Variants in FAF1 observed in about 807,000 individuals in gnomAD.
FAF1 encodes FAS-associated factor 1.
In FAF1, 25 loss-of-function variants were observed where a neutral mutation model predicts 92.5. That is an observed-to-expected ratio of 0.27 (90% confidence interval 0.20 to 0.38). The LOEUF (loss-of-function observed/expected upper bound fraction) is 0.38, where lower values mean the gene tolerates loss of function less well. Ranked by LOEUF, FAF1 falls within the 10% of genes least tolerant of loss-of-function variation. The probability of loss-of-function intolerance (pLI) is 1.00; values close to 1 mark genes in which losing one functional copy is unlikely to be tolerated. For missense variants in FAF1, 636 were observed against 793.3 expected, an observed-to-expected ratio of 0.80 and a Z score of 2.38; for synonymous variants, 234 against 273.2, an observed-to-expected ratio of 0.86 and a Z score of 1.42.
chr1:50,925,110 T>C (rs536617080), intron 1 of FAF1, among the ~76,000 whole-genome samples: 5 of 152,248 alleles, frequency 3.3e-5, no homozygotes, highest in African/African-American at 1.2e-4. Flanking sequence ...GAATACACAT[T>C]GGGAAAACAA....
At chr1:50,799,384 A>C (rs1661887979) in intron 3 of FAF1, among the ~76,000 whole-genome samples, 1 of 152,022 alleles carries the variant, frequency 6.6e-6, no homozygotes, top group Non-Finnish European at 1.5e-5. Flanking sequence ...TTAAGCATTC[A>C]AAAAAAAGTT....
intron 6 of FAF1, among the ~76,000 whole-genome samples, chr1:50,718,211 AGTAGAGACAGAGTTT>A (rs1658269195): frequency 6.6e-6 from 1 of 152,024 alleles, no homozygotes; most frequent in African/African-American, 2.4e-5. Context: ...TTGTATTTTT[AGTAGAGACAGAGTTT>A]CACCATGTTG....
chr1:50,519,166 C>T (rs926455695), intron 15 of FAF1, among the ~76,000 whole-genome samples: 21 of 151,962 alleles, frequency 1.4e-4, no homozygotes, highest in Non-Finnish European at 2.5e-4. Context: ...CCTGTCTCTA[C>T]TAAAAATACA....
chr1:50,602,211 C>T (rs1187367552), intron 8 of FAF1, among the ~76,000 whole-genome samples: 1 of 152,164 alleles, frequency 6.6e-6, no homozygotes, highest in Non-Finnish European at 1.5e-5. Context: ...ATACAATTCT[C>T]TTGTGTTTTA....
intron 8 of FAF1, among the ~76,000 whole-genome samples, chr1:50,654,029 C>G (rs1654995284): frequency 6.6e-6 from 1 of 152,106 alleles, no homozygotes; most frequent in African/African-American, 2.4e-5. Flanking sequence ...ATTTCATAAT[C>G]CACAAAGCAT....
Position 50,900,596 on chromosome 1 carries a change from A to G in FAF1, c.46-42599T>C, listed in dbSNP as rs369171368. On this transcript the variant is annotated intron_variant, in intron 1 of 18. Transcript: ENST00000396153. Reference sequence around the variant, plus strand: ...GAGCAAGTTACTTCACCTCTCTATTATCTACAGAGAAAAATAATAACTTCC... The same window carrying G: ...GAGCAAGTTACTTCACCTCTCTATTGTCTACAGAGAAAAATAATAACTTCC... 1.1e-4 allele frequency among the ~76,000 whole-genome samples: 17 copies of G among 152,274 alleles called. No homozygotes were observed. The South Asian group carries it at 2.9e-3, about 26-fold the overall frequency.
intron 2 of FAF1, among the ~76,000 whole-genome samples, chr1:50,838,618 T>A (rs1287766708): frequency 6.7e-6 from 1 of 150,160 alleles, no homozygotes; most frequent in African/African-American, 2.4e-5. Context: ...CACATTATTC[T>A]GCAATTTCTA....
intron 2 of FAF1, among the ~76,000 whole-genome samples, chr1:50,820,344 G>T (rs1459112939): frequency 6.6e-6 from 1 of 152,100 alleles, no homozygotes; most frequent in East Asian, 1.9e-4. Flanking sequence ...GCTTAATGGG[G>T]TATAACTGAC....
At chr1:50,446,992 T>TTCTTTTTTTTTTTTTTTTTTTG (rs1318855123) in intron 18 of FAF1, among the ~76,000 whole-genome samples, 1 of 151,688 alleles carries the variant, frequency 6.6e-6, no homozygotes, top group African/African-American at 2.4e-5. Flanking sequence ...ATAATTTTCA[T>TTCTTTTTTTTTTTTTTTTTTTG]AGTAACTCCC....
At chr1:50,708,521 CAA>C (rs34228195) in intron 6 of FAF1, among the ~76,000 whole-genome samples, 4 of 133,582 alleles carry the variant, frequency 3.0e-5, no homozygotes, top group Admixed American at 7.5e-5. Context: ...ATTAGACAGT[CAA>C]AAAAAAAAAA....
chr1:50,662,409 T>G (rs771732871), intron 7 of FAF1, among the ~76,000 whole-genome samples: 10 of 152,192 alleles, frequency 6.6e-5, no homozygotes, highest in Non-Finnish European at 1.3e-4. Flanking sequence ...ATAAAGAAAT[T>G]TGACAATTGC....
At chr1:50,739,764 A>G (rs541953925) in intron 5 of FAF1, among the ~76,000 whole-genome samples, 9 of 152,242 alleles carry the variant, frequency 5.9e-5, no homozygotes, top group Middle Eastern at 3.4e-3. Flanking sequence ...TGTTACCTAT[A>G]TATCTTTTAC....
chr1:50,928,251 G>C (rs1645021252), intron 1 of FAF1, among the ~76,000 whole-genome samples: 1 of 152,068 alleles, frequency 6.6e-6, no homozygotes, highest in Non-Finnish European at 1.5e-5. Flanking sequence ...TTCAAAAGTG[G>C]CCTCAAAATG....
At chr1:50,774,010 C>G (rs1016076842) in intron 4 of FAF1, among the ~76,000 whole-genome samples, 47 of 152,154 alleles carry the variant, frequency 3.1e-4, no homozygotes, top group Admixed American at 2.6e-4. Context: ...CATAAATAAA[C>G]TATGCACATT....
intron 2 of FAF1, among the ~76,000 whole-genome samples, chr1:50,813,350 G>C (rs1643934956): frequency 6.6e-6 from 1 of 152,092 alleles, no homozygotes; most frequent in Admixed American, 6.6e-5. Context: ...TTCACTGAGA[G>C]GAAAACCATT....
intron 15 of FAF1, among the ~76,000 whole-genome samples, chr1:50,512,729 G>A (rs1445476925): frequency 6.6e-6 from 1 of 152,068 alleles, no homozygotes. Context: ...CTCTTTTTTG[G>A]TTCCATATGA....
chr1:50,566,568 G>A (rs1191109201), intron 13 of FAF1, among the ~76,000 whole-genome samples: 2 of 151,960 alleles, frequency 1.3e-5, no homozygotes, highest in African/African-American at 2.4e-5. Flanking sequence ...TCCCTATTGA[G>A]AATATGGATG....
intron 2 of FAF1, among the ~76,000 whole-genome samples, chr1:50,842,070 A>G (rs1434991625): frequency 6.6e-6 from 1 of 152,066 alleles, no homozygotes; most frequent in African/African-American, 2.4e-5. Context: ...TGGAATTCTG[A>G]ACTTTATTTC....
chr1:50,642,185 A>G (rs998122959), intron 8 of FAF1, among the ~76,000 whole-genome samples: 4 of 151,324 alleles, frequency 2.6e-5, no homozygotes, highest in Admixed American at 6.6e-5. Context: ...CCTGGGCAAC[A>G]AAGTGACACT....
Sources: allele counts gnomAD v4.1 joint callset (sites outside exome capture counted in the v4.1 genomes callset), GRCh38; gene constraint gnomAD v4.1.1; transcripts MANE v1.5; gene names NCBI Gene and HGNC (gene_info 2026-07-23, HGNC 2026-07-21).